DPYSL3: variants seen among roughly 807,000 people sequenced by gnomAD.
DPYSL3 encodes the protein dihydropyrimidinase-related protein 3.
In DPYSL3, 16 loss-of-function variants were observed where a neutral mutation model predicts 66.1. The ratio of observed to expected loss-of-function variants is 0.24; its 90% CI spans 0.16 to 0.37. The LOEUF (loss-of-function observed/expected upper bound fraction) is 0.37. Ranked by LOEUF, DPYSL3 falls within the 10% of genes least tolerant of loss-of-function variation. The probability of loss-of-function intolerance (pLI) is 1.00; values close to 1 mark genes in which losing one functional copy is unlikely to be tolerated. For synonymous variants in DPYSL3, 338 were observed against 345.1 expected (o/e 0.98, Z 0.23); for missense variants, 738 against 916.2 (o/e 0.81, Z 2.51).
At chr5:147,430,414 GC>G (rs2126344504) in intron 1 of DPYSL3, among the ~76,000 whole-genome samples, 1 of 151,750 alleles carries the variant, frequency 6.6e-6, no homozygotes, top group South Asian at 2.1e-4. Context: ...GGAGGTTGAG[GC>G]AGGAGAATCA....
At chr5:147,495,299 T>C (rs1753483278) in intron 1 of DPYSL3, among the ~76,000 whole-genome samples, 1 of 152,152 alleles carries the variant, frequency 6.6e-6, no homozygotes, top group Non-Finnish European at 1.5e-5. Context: ...TCATACTGAA[T>C]GGGCAAAAAC....
At chr5:147,444,170 G>A (rs972225698) in intron 1 of DPYSL3, among the ~76,000 whole-genome samples, 10 of 152,254 alleles carry the variant, frequency 6.6e-5, no homozygotes, top group Admixed American at 5.2e-4. Context: ...GCACCATACC[G>A]TGGGGTTAAG....
rs553901647 is a variant in DPYSL3 at position 147,446,942 on chromosome 5, T to G, written c.382-21979A>C. Among the ~76,000 whole-genome samples, 10 of 152,288 alleles carry G rather than the reference T, an allele frequency of 6.6e-5. No homozygotes were observed. The South Asian group carries it at 2.1e-3, about 32-fold the overall frequency. The stretch of plus-strand genomic sequence containing the variant: ...AATGGCTAATGGCGGGAGGAGGTAG[T>G]CACCTGTGCCTATGGAACTACTGCT... On this transcript the variant is annotated intron_variant, in intron 1 of 13. Transcript: ENST00000343218.
chr5:147,456,465 A>T (rs144730136), intron 1 of DPYSL3, among the ~76,000 whole-genome samples: 1 of 152,286 alleles, frequency 6.6e-6, no homozygotes, highest in Non-Finnish European at 1.5e-5. Flanking sequence ...CACTTAAATC[A>T]ATGGGTACTC....
Position 147,405,552 on chromosome 5 carries a change from G to A in DPYSL3, c.1153+58C>T, listed in dbSNP as rs553331004. 137 of 1,554,618 alleles carry A rather than the reference G, an allele frequency of 8.8e-5. No homozygotes were observed. The African/African-American group carries it at 1.6e-3, about 19-fold the overall frequency. On this transcript the variant is annotated intron_variant, in intron 8 of 13. Coordinates refer to ENST00000343218, the MANE Select transcript of DPYSL3 (RefSeq NM_001197294.2). ...ATTTATATTACACAGGACAACCAGA[G>A]AGGGAAGGAGCCACACAGTGCCATC...
chr5:147,424,463 A>G (rs374449134), intron 2 of DPYSL3, among the ~76,000 whole-genome samples: 1 of 152,214 alleles, frequency 6.6e-6, no homozygotes, highest in East Asian at 1.9e-4. Flanking sequence ...TCTATGTCCT[A>G]TCTGTGCTCT....
intron 1 of DPYSL3, among the ~76,000 whole-genome samples, chr5:147,449,719 T>C (rs1168141658): frequency 6.6e-6 from 1 of 152,202 alleles, no homozygotes; most frequent in Non-Finnish European, 1.5e-5. Context: ...TGGGAAATGA[T>C]TATCTGTGGA....
chr5:147,399,319 C>T, intron 10 of DPYSL3, 67 bp from the exon 11 acceptor site: 2 of 1,511,838 alleles, frequency 1.3e-6, no homozygotes, highest in Non-Finnish European at 1.8e-6. Context: ...GGCTTCTGAA[C>T]TCAGAGAAAG....
chr5:147,451,230 G>A (rs1057176851), intron 1 of DPYSL3, among the ~76,000 whole-genome samples: 1 of 152,120 alleles, frequency 6.6e-6, no homozygotes, highest in Non-Finnish European at 1.5e-5. Flanking sequence ...TCATCCCCTT[G>A]GTTGTTAAAA....
intron 1 of DPYSL3, among the ~76,000 whole-genome samples, chr5:147,447,958 C>A (rs1350482303): frequency 3.3e-5 from 5 of 152,192 alleles, no homozygotes; most frequent in African/African-American, 9.7e-5. Flanking sequence ...AAAACATTTA[C>A]ACCTTAGAGA....
intron 1 of DPYSL3, among the ~76,000 whole-genome samples, chr5:147,475,175 A>G (rs971890870): frequency 6.6e-6 from 1 of 152,074 alleles, no homozygotes; most frequent in East Asian, 1.9e-4. Flanking sequence ...TCTATTCATA[A>G]TAGCTAAAAC....
intron 1 of DPYSL3, among the ~76,000 whole-genome samples, chr5:147,430,524 A>G (rs1278915099): frequency 6.6e-6 from 1 of 151,038 alleles, no homozygotes; most frequent in Non-Finnish European, 1.5e-5. Flanking sequence ...AAAAAAAAAA[A>G]GAAAAAAAAG....
intron 11 of DPYSL3, 39 bp from the exon 12 acceptor site, chr5:147,397,884 A>ATAGAAATAG: frequency 6.4e-7 from 1 of 1,552,956 alleles, no homozygotes. Flanking sequence ...CAGTAAGGGT[A>ATAGAAATAG]GAGAAAGAGG....
chr5:147,473,535 A>G (rs144203765), intron 1 of DPYSL3, among the ~76,000 whole-genome samples: 27 of 152,308 alleles, frequency 1.8e-4, no homozygotes, highest in African/African-American at 6.0e-4. Context: ...AAACTTGAGA[A>G]ATGGTGAATG....
chr5:147,450,479 T>G (rs1399662089), intron 1 of DPYSL3, among the ~76,000 whole-genome samples: 1 of 152,088 alleles, frequency 6.6e-6, no homozygotes, highest in Non-Finnish European at 1.5e-5. Context: ...AAGCAAGGCT[T>G]GTGTTGAGGT....
At chr5:147,415,916 C>T (rs1751958290) in intron 3 of DPYSL3, 43 bp from the exon 4 acceptor site, 2 of 1,598,836 alleles carry the variant, frequency 1.3e-6, no homozygotes, top group Non-Finnish European at 1.7e-6. Context: ...CAGACACAGC[C>T]TTTGCTCCCC....
At chr5:147,423,078 A>T (rs755530230) in intron 2 of DPYSL3, among the ~76,000 whole-genome samples, 2 of 152,218 alleles carry the variant, frequency 1.3e-5, no homozygotes, top group Non-Finnish European at 2.9e-5. Flanking sequence ...GCATTTGGTA[A>T]CAAATTTTTC....
At position 147,415,692 on chromosome 5, in the gene DPYSL3, G is replaced by A. The variant is rs199886469; in HGVS notation, c.820+17C>T. ...AAGAAGCTAAGAGAGGAGGGAGGAC[G>A]GCATGTCCGGGCTCACCTTTGTCCT... On this transcript the variant is annotated intron_variant, in intron 4 of 13. Transcript: ENST00000343218. 105 of 1,610,698 alleles carry A rather than the reference G, an allele frequency of 6.5e-5. No individual in the cohort carries two copies. The Middle Eastern group carries it at 6.6e-4, about 10-fold the overall frequency.
At chr5:147,425,085 A>G in intron 1 of DPYSL3, 122 bp from the exon 2 acceptor site, 1 of 666,090 alleles carries the variant, frequency 1.5e-6, no homozygotes, top group Non-Finnish European at 2.6e-6. Context: ...CCAAAGACAT[A>G]TGTGTGCTCA....
Sources: gnomAD v4.1 joint callset for allele counts (sites outside exome capture counted in the v4.1 genomes callset) on GRCh38, gnomAD v4.1.1 for gene constraint, MANE v1.5 for transcripts, NCBI Gene and HGNC (gene_info 2026-07-23, HGNC 2026-07-21) for gene names.